Variants in RHOH observed in about 807,000 individuals in gnomAD.
RHOH encodes ras homolog family member H, also known as rho-related GTP-binding protein RhoH.
Under a neutral mutation model 13.8 loss-of-function variants are expected in RHOH, and 6 were observed. The ratio of observed to expected loss-of-function variants is 0.44; its 90% CI spans 0.24 to 0.86. The LOEUF is 0.86. RHOH is among the 40% of genes least tolerant of loss of function. The pLI, the probability that RHOH is intolerant of heterozygous loss-of-function variation, is 0.24. For synonymous variants in RHOH, 117 were observed against 103.0 expected (o/e 1.14, Z -0.82); for missense variants, 147 against 244.5 (o/e 0.60, Z 2.66).
intron 1 of RHOH, among the ~76,000 whole-genome samples, chr4:40,234,572 C>T (rs1232499962): frequency 6.6e-6 from 1 of 151,984 alleles, no homozygotes; most frequent in Non-Finnish European, 1.5e-5. Flanking sequence ...ACACACGGCT[C>T]AGAGAGGCTT....
rs1729587151 is a variant in RHOH, at chr4:40,243,998, C to T, written c.*36C>T. 6.6e-7 allele frequency: 1 copy of T among 1,523,806 alleles called. No homozygotes were observed. Among genetic ancestry groups the T allele is most frequent in the Non-Finnish European group, 8.9e-7 (1 of 1,120,728 alleles). 94.4% of individuals were successfully genotyped at this position (1,523,806 alleles called of 1,614,324 possible). ...ACTTCACACAACACTTATGTATGCA[C>T]CCCAAAGACTAATGGGGAGAGGGAG... On this transcript the variant is annotated 3_prime_UTR_variant, in exon 3 of 3. Transcript: ENST00000381799. This position sits in a 1 kb window ranked among gnomAD's most constrained non-coding sequence, Gnocchi z 6.2.
chr4:40,199,408 C>T (rs766909280), intron 1 of RHOH, among the ~76,000 whole-genome samples: 4 of 152,198 alleles, frequency 2.6e-5, no homozygotes, highest in South Asian at 2.1e-4. Context: ...TGGGAATTAA[C>T]GTTTTTTGAG....
In RHOH at chr4:40,246,112, C is replaced by T. The variant is rs1014522899; in HGVS notation, c.*2150C>T. 1 of 152,262 alleles carries T rather than the reference C, an allele frequency of 6.6e-6. No individual in the cohort carries two copies. Among genetic ancestry groups the T allele is most frequent in the African/African-American group, 2.4e-5 (1 of 41,466 alleles). 9.4% of individuals were successfully genotyped at this position (152,262 alleles called of 1,614,324 possible). A position where few individuals can be genotyped will look rare whatever the true frequency, so the allele number is the denominator to read the frequency against. On this transcript the variant is annotated 3_prime_UTR_variant, in exon 3 of 3. Coordinates refer to ENST00000381799, the MANE Select transcript of RHOH (RefSeq NM_004310.5). ...AGGGATCTCATATCCTCTGATATCC[C>T]TGGGATTCTCTTCTTCTCCCTCAAC...
chr4:40,224,567 G>A (rs1369970534), intron 1 of RHOH, among the ~76,000 whole-genome samples: 1 of 152,208 alleles, frequency 6.6e-6, no homozygotes, highest in African/African-American at 2.4e-5. Context: ...AATAAAACCA[G>A]TGTGGGTCTG....
upstream of RHOH, among the ~76,000 whole-genome samples, chr4:40,196,077 T>C (rs1358104909): frequency 6.6e-6 from 1 of 152,222 alleles, no homozygotes; most frequent in Non-Finnish European, 1.5e-5. Context: ...GCAGCAGTAC[T>C]TTAGAATAAT....
Position 40,198,851 on chromosome 4 carries a change from A to T in RHOH, c.-331+1551A>T, listed in dbSNP as rs540888115. Among the ~76,000 whole-genome samples the T allele has an allele frequency of 8.3e-4, 127 of 152,344 alleles. 1 individual carries two copies. Among genetic ancestry groups the T allele is most frequent in the African/African-American group, 2.9e-3 (121 of 41,576 alleles). ...TGTGCTACTTTCTTTGCATGTCTAA[A>T]TGAGATGGCACGGGTATGCTTCTGT... On this transcript the variant is annotated intron_variant, in intron 1 of 2. Coordinates refer to ENST00000381799, the MANE Select transcript of RHOH (RefSeq NM_004310.5).
In RHOH at chr4:40,246,595, T is replaced by G. The variant is rs1729782353; in HGVS notation, c.*2633T>G. On this transcript the variant is annotated 3_prime_UTR_variant, in exon 3 of 3. Transcript: ENST00000381799. Reference sequence around the variant, plus strand: ...CCTGCTAGACTGCTGTTCTTGAAGGTAGCACTGCCTCCTGGTCTCCTCAGT... The same window carrying G: ...CCTGCTAGACTGCTGTTCTTGAAGGGAGCACTGCCTCCTGGTCTCCTCAGT... 6.6e-6 allele frequency: 1 copy of G among 152,262 alleles called. No homozygotes were observed. The highest frequency in any genetic ancestry group is 2.1e-4 in the South Asian group (1 of 4,828). 9.4% of individuals were successfully genotyped at this position (152,262 alleles called of 1,614,324 possible). A position where few individuals can be genotyped will look rare whatever the true frequency, so the allele number is the denominator to read the frequency against.
rs28621066 is a variant in RHOH, at chr4:40,239,825, C to T, written c.-330-2889C>T. ...CCCGGGAGTTGGAGGTTGCAGTGAG[C>T]TGAGATCACACCACTGCACTCCAGC... On this transcript the variant is annotated intron_variant, in intron 1 of 2. Transcript: ENST00000381799. Among the ~76,000 whole-genome samples the T allele has an allele frequency of 4.0e-3, 609 of 151,926 alleles. 5 individuals carry two copies. Among genetic ancestry groups the T allele is most frequent in the African/African-American group, 0.014 (565 of 41,396 alleles).
intron 1 of RHOH, among the ~76,000 whole-genome samples, chr4:40,230,733 C>T (rs1288602613): frequency 1.3e-5 from 2 of 152,074 alleles, no homozygotes; most frequent in Non-Finnish European, 2.9e-5. Flanking sequence ...TAGCTATGAA[C>T]AGCTGTGATT....
chr4:40,238,308 A>C (rs1466417141), intron 1 of RHOH, among the ~76,000 whole-genome samples: 6 of 152,318 alleles, frequency 3.9e-5, no homozygotes, highest in African/African-American at 1.4e-4. Flanking sequence ...AGGTCTTTCC[A>C]GCCAATAGGA....
upstream of RHOH, among the ~76,000 whole-genome samples, chr4:40,196,505 C>T (rs1008065094): frequency 2.6e-5 from 4 of 152,142 alleles, no homozygotes; most frequent in African/African-American, 9.7e-5. Flanking sequence ...CAGGGGTGAA[C>T]GCACGGCAGG....
At chr4:40,207,454 C>G (rs78806878) in intron 1 of RHOH, among the ~76,000 whole-genome samples, 7,790 of 152,072 alleles carry the variant, frequency 0.051, 302 homozygotes, top group Middle Eastern at 0.078. Flanking sequence ...CTATTACATT[C>G]TAGAGCTATG....
chr4:40,214,784 G>A (rs1297618400), intron 1 of RHOH, among the ~76,000 whole-genome samples: 1 of 152,124 alleles, frequency 6.6e-6, no homozygotes, highest in African/African-American at 2.4e-5. Flanking sequence ...TGGGGGAGAG[G>A]GTAAGGCTTA....
At chr4:40,194,060 C>T (rs2109328755), upstream of RHOH, among the ~76,000 whole-genome samples, 1 of 152,276 alleles carries the variant, frequency 6.6e-6, no homozygotes, top group East Asian at 1.9e-4. Flanking sequence ...GACTCCTCTG[C>T]TTTCTGAAGG....
intron 1 of RHOH, among the ~76,000 whole-genome samples, chr4:40,228,414 A>C (rs1727499947): frequency 6.6e-6 from 1 of 152,206 alleles, no homozygotes; most frequent in Admixed American, 6.5e-5. Flanking sequence ...GGATATATAG[A>C]AATGGTCTGG....
intron 1 of RHOH, among the ~76,000 whole-genome samples, chr4:40,237,513 G>A (rs1728734103): frequency 6.6e-6 from 1 of 152,272 alleles, no homozygotes; most frequent in Admixed American, 6.5e-5. Context: ...GGAGCCCCAT[G>A]GCCTCATCCA....
intron 1 of RHOH, chr4:40,240,088 A>C (rs1273377948): frequency 6.6e-6 from 1 of 152,204 alleles, no homozygotes; most frequent in African/African-American, 2.4e-5. Flanking sequence ...TTTAAAGCCC[A>C]TGACCTTAAC....
At position 40,214,201 on chromosome 4, in the gene RHOH, G is replaced by A. The variant is rs551886690; in HGVS notation, c.-331+16901G>A. 2.0e-4 allele frequency among the ~76,000 whole-genome samples: 31 copies of A among 152,300 alleles called. No homozygotes were observed. The South Asian group carries it at 5.4e-3, about 26-fold the overall frequency. On this transcript the variant is annotated intron_variant, in intron 1 of 2. Coordinates refer to ENST00000381799, the MANE Select transcript of RHOH (RefSeq NM_004310.5). Reference sequence around the variant, plus strand: ...GGTGGCACTTTGGGGAAGGCGGGGCGGAAGGAAGCTTTCTGATGAATGTTT... The same window carrying A: ...GGTGGCACTTTGGGGAAGGCGGGGCAGAAGGAAGCTTTCTGATGAATGTTT...
chr4:40,210,845 G>A (rs1725185744), intron 1 of RHOH, among the ~76,000 whole-genome samples: 1 of 152,110 alleles, frequency 6.6e-6, no homozygotes, highest in Non-Finnish European at 1.5e-5. Flanking sequence ...ATTTGTCTAT[G>A]GTATTAAAAT....
Sources: allele counts gnomAD v4.1 joint callset (sites outside exome capture counted in the v4.1 genomes callset), GRCh38; gene constraint gnomAD v4.1.1; non-coding constraint Gnocchi (gnomAD v3.1); transcripts MANE v1.5; gene names NCBI Gene and HGNC (gene_info 2026-07-23, HGNC 2026-07-21).